TYR: variants seen among roughly 807,000 people sequenced by gnomAD.
The protein encoded by TYR is LB24-AB.
TYR carries 58 observed loss-of-function variants against 51.5 expected under a neutral mutation model. That is an observed-to-expected ratio of 1.13 (90% CI 0.91 to 1.40). The LOEUF is 1.40. TYR is among the 40% of genes most tolerant of loss of function. The probability of loss-of-function intolerance (pLI) is 0.00; values close to 1 mark genes in which losing one functional copy is unlikely to be tolerated. For missense variants in TYR, 732 were observed against 647.4 expected, an observed-to-expected ratio of 1.13 and a Z score of -1.42; for synonymous variants, 263 against 235.2, an observed-to-expected ratio of 1.12 and a Z score of -1.08.
Position 89,295,389 on chromosome 11 carries a change from G to T in TYR, c.*23G>T, listed in dbSNP as rs1399394577. Reference sequence around the variant, plus strand: ...TAAAAGGCTTAGGCAATAGAGTAGGGCCAAAAAGCCTGACCTCACTCTAAC... The same window carrying T: ...TAAAAGGCTTAGGCAATAGAGTAGGTCCAAAAAGCCTGACCTCACTCTAAC... On this transcript the variant is annotated 3_prime_UTR_variant, in exon 5 of 5. Transcript: ENST00000263321. The T allele has an allele frequency of 2.0e-6, 3 of 1,526,796 alleles. No individual in the cohort carries two copies. The highest frequency in any genetic ancestry group is 9.0e-7 in the Non-Finnish European group (1 of 1,109,568). The allele number at this position is 1,526,796 out of a possible 1,614,324, so 94.6% of individuals were successfully genotyped here. A position where few individuals can be genotyped will look rare whatever the true frequency, so the allele number is the denominator to read the frequency against.
At chr11:89,264,617 A>G (rs189598900) in intron 3 of TYR, among the ~76,000 whole-genome samples, 3 of 151,904 alleles carry the variant, frequency 2.0e-5, no homozygotes, top group Non-Finnish European at 4.4e-5. Flanking sequence ...ACATGCATGC[A>G]TATGTTCATT....
At chr11:89,222,870 G>T (rs1565403315) in intron 2 of TYR, among the ~76,000 whole-genome samples, 2 of 152,122 alleles carry the variant, frequency 1.3e-5, no homozygotes, top group African/African-American at 4.8e-5. Flanking sequence ...AAAGAACATT[G>T]AGCTATTTTG....
At chr11:89,208,131 G>A (rs60324330) in intron 2 of TYR, among the ~76,000 whole-genome samples, 229 of 152,264 alleles carry the variant, frequency 1.5e-3, no homozygotes, top group African/African-American at 2.2e-3. Flanking sequence ...TTAGCCAGAT[G>A]TGGTGGCGGG....
intron 2 of TYR, among the ~76,000 whole-genome samples, chr11:89,197,152 C>G (rs1943530711): frequency 6.6e-6 from 1 of 152,050 alleles, no homozygotes; most frequent in South Asian, 2.1e-4. Context: ...TATGCAATGA[C>G]ACAGAGGTGT....
At chr11:89,191,753 C>T (rs1411094592) in intron 2 of TYR, among the ~76,000 whole-genome samples, 2 of 152,078 alleles carry the variant, frequency 1.3e-5, no homozygotes, top group African/African-American at 4.8e-5. Context: ...AAGTGAGAGA[C>T]TCTGAGGAAA....
chr11:89,248,674 C>T (rs1944296039), intron 3 of TYR, among the ~76,000 whole-genome samples: 1 of 152,094 alleles, frequency 6.6e-6, no homozygotes, highest in East Asian at 1.9e-4. Flanking sequence ...TATTTTAATC[C>T]AGGTGCTGAA....
chr11:89,274,931 C>G (rs535856172), intron 3 of TYR, among the ~76,000 whole-genome samples: 138 of 151,810 alleles, frequency 9.1e-4, no homozygotes, highest in African/African-American at 3.2e-3. Flanking sequence ...CTCCCAAGTA[C>G]TCTGTGGCCC....
intron 3 of TYR, among the ~76,000 whole-genome samples, chr11:89,252,734 C>A (rs1288215479): frequency 1.3e-5 from 2 of 151,674 alleles, no homozygotes; most frequent in South Asian, 2.1e-4. Context: ...AATAACTGGA[C>A]CATTGTAAAC....
intron 1 of TYR, among the ~76,000 whole-genome samples, chr11:89,187,248 G>A (rs1258252753): frequency 6.6e-6 from 1 of 152,116 alleles, no homozygotes; most frequent in African/African-American, 2.4e-5. Context: ...AAATTGCATA[G>A]CCAGTCCTGC....
At chr11:89,192,011 C>T in intron 2 of TYR, 4 of 453,544 alleles carry the variant, frequency 8.8e-6, no homozygotes, top group Non-Finnish European at 1.8e-5. Context: ...TTAAAATATT[C>T]TAGGCAGTGG....
At chr11:89,213,800 C>T (rs529636838) in intron 2 of TYR, among the ~76,000 whole-genome samples, 2 of 152,122 alleles carry the variant, frequency 1.3e-5, no homozygotes, top group Non-Finnish European at 2.9e-5. Flanking sequence ...CATCTACAAA[C>T]AACAGATCTT....
At chr11:89,279,562 T>C (rs1234457427) in intron 3 of TYR, among the ~76,000 whole-genome samples, 1 of 151,782 alleles carries the variant, frequency 6.6e-6, no homozygotes, top group Non-Finnish European at 1.5e-5. Context: ...TCTTTGGCTC[T>C]TCTTTTCTGA....
At position 89,198,671 on chromosome 11, in the gene TYR, A is replaced by C. The variant is rs537221206; in HGVS notation, c.1036+7253A>C. Among the ~76,000 whole-genome samples the C allele has an allele frequency of 2.0e-5, 3 of 152,174 alleles. No individual in the cohort carries two copies. In the East Asian group the frequency reaches 5.8e-4, roughly 29 times the overall value. On this transcript the variant is annotated intron_variant, in intron 2 of 4. Transcript: ENST00000263321. ...AAGCACCATTCTCAGCAAAGTAATT[A>C]TTCTAATAAATTTAGGAGACAGTCT...
chr11:89,213,509 T>C (rs1047213168), intron 2 of TYR, among the ~76,000 whole-genome samples: 3 of 152,208 alleles, frequency 2.0e-5, no homozygotes, highest in Non-Finnish European at 4.4e-5. Context: ...ATGGTCATAC[T>C]GCCCAAAATA....
Position 89,177,915 on chromosome 11 carries a change from T to C in TYR, c.-39T>C. The C allele has an allele frequency of 6.2e-7, 1 of 1,602,538 alleles. No homozygotes were observed. Among genetic ancestry groups the C allele is most frequent in the Non-Finnish European group, 8.5e-7 (1 of 1,170,916 alleles). On this transcript the variant is annotated 5_prime_UTR_variant, in exon 1 of 5. Coordinates refer to ENST00000263321, the MANE Select transcript of TYR (RefSeq NM_000372.5). ...GGAAAGAGAAATCTGTGACTCCAAT[T>C]AGCCAGTTCCTGCAGACCTTGTGAG...
chr11:89,239,292 T>C (rs554727856), intron 3 of TYR, among the ~76,000 whole-genome samples: 24 of 152,254 alleles, frequency 1.6e-4, no homozygotes, highest in African/African-American at 5.8e-4. Flanking sequence ...TATTTTTTCA[T>C]GATTCAGTTT....
At position 89,274,906 on chromosome 11, in the gene TYR, C is replaced by T. The variant is rs1944634691; in HGVS notation, c.1185-9867C>T. 2.0e-5 allele frequency among the ~76,000 whole-genome samples: 3 copies of T among 151,758 alleles called. No homozygotes were observed. The South Asian group carries it at 6.2e-4, about 31-fold the overall frequency. ...TGTGAGCTGTTTAGGTCCCTTTCAG[C>T]ACTCTTAAAGTCACCTCCCAAGTAC... is the stretch of plus-strand genomic sequence containing the variant. On this transcript the variant is annotated intron_variant, in intron 3 of 4. Coordinates refer to ENST00000263321, the MANE Select transcript of TYR (RefSeq NM_000372.5).
chr11:89,210,217 T>C (rs1269330734), intron 2 of TYR, among the ~76,000 whole-genome samples: 1 of 151,892 alleles, frequency 6.6e-6, no homozygotes, highest in Non-Finnish European at 1.5e-5. Flanking sequence ...AGCTAAAAAC[T>C]TTGAAAAAAG....
At chr11:89,196,867 A>G (rs756080637) in intron 2 of TYR, among the ~76,000 whole-genome samples, 2 of 152,224 alleles carry the variant, frequency 1.3e-5, no homozygotes, top group Non-Finnish European at 2.9e-5. Flanking sequence ...CGACTTAAAT[A>G]GAGCCATCCA....
Sources: gnomAD v4.1 joint callset for allele counts (sites outside exome capture counted in the v4.1 genomes callset) on GRCh38, gnomAD v4.1.1 for gene constraint, MANE v1.5 for transcripts, NCBI Gene and HGNC (gene_info 2026-07-23, HGNC 2026-07-21) for gene names.